PODXL2: variants seen among roughly 807,000 people sequenced by gnomAD.
PODXL2 encodes the protein podocalyxin like 2.
In PODXL2, 17 loss-of-function variants were observed where a neutral mutation model predicts 53.4. That is an observed-to-expected ratio of 0.32 (90% CI 0.22 to 0.48). The LOEUF (loss-of-function observed/expected upper bound fraction) is 0.48, where lower values mean the gene tolerates loss of function less well. Among genes scored for constraint, PODXL2 ranks in the 20% least tolerant of loss-of-function variants. The pLI is 0.99. For missense variants in PODXL2, 673 were observed against 760.0 expected, an observed-to-expected ratio of 0.89 and a Z score of 1.35; for synonymous variants, 311 against 306.7, an observed-to-expected ratio of 1.01 and a Z score of -0.15.
chr3:127,662,387 G>A (rs1327041741), intron 4 of PODXL2, 76 bp downstream of exon 4: 5 of 1,198,724 alleles, frequency 4.2e-6, no homozygotes, highest in African/African-American at 3.0e-5. Context: ...GGGCAGGCTG[G>A]GGGGACAAGC....
At chr3:127,671,334 G>A in intron 6 of PODXL2, 100 bp from the exon 7 acceptor site, 1 of 1,078,698 alleles carries the variant, frequency 9.3e-7, no homozygotes, top group Non-Finnish European at 1.4e-6. Context: ...CACCTTCTAA[G>A]CCTGCTCCCC....
At position 127,672,530 on chromosome 3, in the gene PODXL2, A is replaced by AC; in HGVS notation, c.*54dup. 1 of 1,236,134 alleles carries AC rather than the reference A, an allele frequency of 8.1e-7. No individual in the cohort carries two copies. The highest frequency in any genetic ancestry group is 1.1e-6 in the Non-Finnish European group (1 of 927,682). 76.6% of individuals were successfully genotyped at this position (1,236,134 alleles called of 1,614,324 possible). On this transcript the variant is annotated 3_prime_UTR_variant, in exon 8 of 8. Transcript: ENST00000342480. ...GGGCCGCCAGGACCAAGCGAGGTGG[A>AC]CCCCGAAACGGACGGCCCGGAGCCC...
chr3:127,649,576 T>G (rs937365092), intron 2 of PODXL2, among the ~76,000 whole-genome samples: 11 of 152,250 alleles, frequency 7.2e-5, no homozygotes, highest in Admixed American at 7.2e-4. Flanking sequence ...AGGTTGGTAG[T>G]CCAAAGATTT....
intron 6 of PODXL2, 44 bp downstream of exon 6, chr3:127,669,246 C>T (rs778214651): frequency 2.3e-6 from 3 of 1,314,714 alleles, no homozygotes; most frequent in Middle Eastern, 3.6e-4. Context: ...TAATATGCTC[C>T]CTCCTGTCTC....
intron 6 of PODXL2, 133 bp from the exon 7 acceptor site, chr3:127,671,301 A>C: frequency 1.3e-6 from 1 of 755,892 alleles, no homozygotes; most frequent in Non-Finnish European, 2.2e-6. Context: ...GCGCCAGGGA[A>C]CTTCAGGAGC....
chr3:127,652,670 C>T (rs1485172740), intron 2 of PODXL2, among the ~76,000 whole-genome samples: 1 of 152,180 alleles, frequency 6.6e-6, no homozygotes, highest in Non-Finnish European at 1.5e-5. Context: ...CAGTGTGTCT[C>T]CCGGGCGGCT....
At chr3:127,633,261 T>G (rs915448639) in intron 1 of PODXL2, among the ~76,000 whole-genome samples, 6 of 152,252 alleles carry the variant, frequency 3.9e-5, no homozygotes, top group African/African-American at 1.4e-4. Flanking sequence ...CTGTTTTACA[T>G]ATTCTCTTCC....
intron 2 of PODXL2, among the ~76,000 whole-genome samples, chr3:127,641,448 A>G (rs1000577598): frequency 2.0e-5 from 3 of 151,748 alleles, no homozygotes; most frequent in African/African-American, 7.3e-5. Flanking sequence ...GGCTCAAGCG[A>G]TCCTCCTCCC....
intron 6 of PODXL2, among the ~76,000 whole-genome samples, chr3:127,670,188 C>T (rs1159138361): frequency 6.6e-6 from 1 of 152,234 alleles, no homozygotes; most frequent in Non-Finnish European, 1.5e-5. Context: ...TTAAGTGAGG[C>T]ACCTGTTGAG....
At chr3:127,633,671 G>A (rs2074561346) in intron 1 of PODXL2, among the ~76,000 whole-genome samples, 1 of 152,094 alleles carries the variant, frequency 6.6e-6, no homozygotes, top group Admixed American at 6.5e-5. Context: ...CTAGGCACTG[G>A]AATTACAGGG....
intron 5 of PODXL2, 26 bp downstream of exon 5, chr3:127,668,623 G>T (rs113178602): frequency 2.0e-6 from 3 of 1,483,700 alleles, no homozygotes; most frequent in Non-Finnish European, 2.7e-6. Flanking sequence ...TGATGGGAGG[G>T]CCCAGGAGGG....
chr3:127,662,193 T>A, intron 3 of PODXL2, 44 bp from the exon 4 acceptor site: 1 of 1,556,412 alleles, frequency 6.4e-7, no homozygotes, highest in Non-Finnish European at 8.9e-7. Flanking sequence ...GTCCCTTTCC[T>A]ATGCCTTCGT....
intron 1 of PODXL2, among the ~76,000 whole-genome samples, chr3:127,637,504 C>T (rs2107703860): frequency 6.6e-6 from 1 of 152,274 alleles, no homozygotes; most frequent in East Asian, 1.9e-4. Flanking sequence ...CACCAATTAC[C>T]TCATTTGGTG....
Position 127,672,577 on chromosome 3 carries a change from G to T in PODXL2, c.*97G>T. On this transcript the variant is annotated 3_prime_UTR_variant, in exon 8 of 8. Transcript: ENST00000342480. ...GCCCGCACCAGCCCCGCGCCTACCC[G>T]GGCCGCCCCCGCGGCCTGGCCCTCG... 2.5e-6 allele frequency: 2 copies of T among 792,332 alleles called. No individual in the cohort carries two copies. The highest frequency in any genetic ancestry group is 3.7e-6 in the Non-Finnish European group (2 of 547,368). 49.1% of individuals were successfully genotyped at this position (792,332 alleles called of 1,614,324 possible). A position where few individuals can be genotyped will look rare whatever the true frequency, so the allele number is the denominator to read the frequency against.
chr3:127,656,030 C>T (rs977529136), intron 2 of PODXL2, among the ~76,000 whole-genome samples: 4 of 152,230 alleles, frequency 2.6e-5, no homozygotes, highest in Admixed American at 2.0e-4. Flanking sequence ...CAGAAGAATT[C>T]AAAAACACAC....
In PODXL2 at chr3:127,639,317, T is replaced by A; in HGVS notation, c.143T>A (p.Leu48Gln). The change falls in exon 2 of 8, where the codon CTA becomes CAA. Residue 48 changes from leucine (L) to glutamine (Q), a missense_variant. Coordinates refer to ENST00000342480, the MANE Select transcript of PODXL2 (RefSeq NM_015720.4). The stretch of plus-strand genomic sequence containing the variant: ...GAGGGCCTCACCTCCACCTCCCTGC[T>A]AGACCTCCTGCTGCCCACTGGCTTG... ...GPEGLTSTSL[L>Q]DLLLPTGLEP... The A allele has an allele frequency of 6.2e-7, 1 of 1,614,044 alleles. No individual in the cohort carries two copies. Among genetic ancestry groups the A allele is most frequent in the Non-Finnish European group, 8.5e-7 (1 of 1,180,028 alleles).
At chr3:127,667,471 T>A (rs1000187507) in intron 4 of PODXL2, among the ~76,000 whole-genome samples, 4 of 152,180 alleles carry the variant, frequency 2.6e-5, no homozygotes, top group African/African-American at 9.7e-5. Context: ...CTGTGCATGT[T>A]CAGGAGGGAG....
At chr3:127,657,647 T>C (rs1038700503) in intron 2 of PODXL2, among the ~76,000 whole-genome samples, 1 of 152,222 alleles carries the variant, frequency 6.6e-6, no homozygotes, top group African/African-American at 2.4e-5. Context: ...ATCTTGTAAA[T>C]TGCTGTCAGA....
Position 127,660,713 on chromosome 3 carries a change from G to C in PODXL2, c.685G>C (p.Ala229Pro), listed in dbSNP as rs2074760976. ...KSRHEDSGDQASSGVEVESSM... is the reference protein window; with the variant it reads ...KSRHEDSGDQPSSGVEVESSM... ...CAGGCATGAAGACTCCGGGGACCAG[G>C]CCTCATCAGGTGTGGAGGTGGAGAG... Residue 229 changes from alanine (A) to proline (P), a missense_variant, in exon 3 of 8, where the codon GCC (alanine) becomes CCC (proline). By Grantham distance (27) the Ala-to-Pro change is conservative (BLOSUM62 -1). Coordinates refer to ENST00000342480, the MANE Select transcript of PODXL2 (RefSeq NM_015720.4). 6.2e-7 allele frequency: 1 copy of C among 1,614,190 alleles called. No homozygotes were observed. The highest frequency in any genetic ancestry group is 8.5e-7 in the Non-Finnish European group (1 of 1,180,036).
Sources: gnomAD v4.1 joint callset for allele counts (sites outside exome capture counted in the v4.1 genomes callset) on GRCh38, gnomAD v4.1.1 for gene constraint, MANE v1.5 for transcripts, NCBI Gene and HGNC (gene_info 2026-07-23, HGNC 2026-07-21) for gene names.